The following RAD52 variants were observed in gnomAD, a reference collection of about 807,000 sequenced individuals.
RAD52 encodes the protein RAD52 DNA repair protein.
RAD52 carries 47 observed loss-of-function variants against 55.5 expected under a neutral mutation model. The observed-to-expected ratio is 0.85, with a 90% CI of 0.67 to 1.08. The LOEUF (loss-of-function observed/expected upper bound fraction) is 1.08, where lower values mean the gene tolerates loss of function less well. RAD52 is among the 50% of genes least tolerant of loss of function. The pLI is 0.00. For missense variants in RAD52, 468 were observed against 522.8 expected, an observed-to-expected ratio of 0.90 and a Z score of 1.02; for synonymous variants, 184 against 198.9, an observed-to-expected ratio of 0.92 and a Z score of 0.63.
intron 1 of RAD52, among the ~76,000 whole-genome samples, chr12:949,105 G>C (rs1958420869): frequency 6.6e-6 from 1 of 152,080 alleles, no homozygotes; most frequent in Non-Finnish European, 1.5e-5. Context: ...GCCCGGGACG[G>C]AGTGTCGTGG....
upstream of RAD52, chr12:990,649 C>T (rs915762116): frequency 6.6e-6 from 1 of 152,242 alleles, no homozygotes; most frequent in African/African-American, 2.4e-5. Context: ...CCACTAATTT[C>T]GCGGCCGCGT....
At chr12:972,130 T>C (rs1026522805) in intron 1 of RAD52, among the ~76,000 whole-genome samples, 1 of 152,158 alleles carries the variant, frequency 6.6e-6, no homozygotes, top group Non-Finnish European at 1.5e-5. Flanking sequence ...ATATTGCTTG[T>C]TTATGTATAC....
intron 7 of RAD52, among the ~76,000 whole-genome samples, chr12:917,407 C>T (rs1182942379): frequency 3.3e-5 from 5 of 152,286 alleles, no homozygotes; most frequent in African/African-American, 1.2e-4. Flanking sequence ...CATTTCCACA[C>T]GGATTCCTAC....
At chr12:947,015 T>A (rs974652044) in intron 1 of RAD52, among the ~76,000 whole-genome samples, 8 of 152,280 alleles carry the variant, frequency 5.3e-5, no homozygotes, top group African/African-American at 1.9e-4. Context: ...AGTGGTGAAC[T>A]GAGAATAGAA....
intron 1 of RAD52, among the ~76,000 whole-genome samples, chr12:944,061 CA>C (rs1958061733): frequency 6.6e-6 from 1 of 151,866 alleles, no homozygotes; most frequent in Admixed American, 6.6e-5. Context: ...ACAAAAAATA[CA>C]AAAATTAGCT....
At chr12:957,186 A>G (rs2154120430) in intron 1 of RAD52, among the ~76,000 whole-genome samples, 1 of 152,240 alleles carries the variant, frequency 6.6e-6, no homozygotes, top group African/African-American at 2.4e-5. Flanking sequence ...GGCTGGGTGC[A>G]GTGGCTCATG....
At chr12:985,766 C>T (rs1412272006) in intron 1 of RAD52, among the ~76,000 whole-genome samples, 2 of 152,030 alleles carry the variant, frequency 1.3e-5, no homozygotes. Context: ...CCTCAGCCTC[C>T]CGAGTAGTTG....
chr12:971,697 A>T (rs1276196494), intron 1 of RAD52, among the ~76,000 whole-genome samples: 2 of 152,200 alleles, frequency 1.3e-5, no homozygotes, highest in Admixed American at 6.5e-5. Context: ...CCTAACAAGA[A>T]CGTATAACTC....
intron 3 of RAD52, among the ~76,000 whole-genome samples, chr12:930,933 C>G (rs999120284): frequency 1.3e-5 from 2 of 150,606 alleles, no homozygotes; most frequent in South Asian, 4.2e-4. Context: ...CACCACTGGT[C>G]GGACTCCAGC....
chr12:926,709 T>C, intron 6 of RAD52: 1 of 1,324,042 alleles, frequency 7.6e-7, no homozygotes, highest in Non-Finnish European at 1.0e-6. Flanking sequence ...ATTTATAAAT[T>C]ACCCAGCCTC....
intron 1 of RAD52, among the ~76,000 whole-genome samples, chr12:941,060 G>A (rs1957893998): frequency 6.6e-6 from 1 of 152,086 alleles, no homozygotes; most frequent in African/African-American, 2.4e-5. Flanking sequence ...GATTTAAGAA[G>A]CTCTGCAAAT....
chr12:926,645 G>A, intron 6 of RAD52: 1 of 814,658 alleles, frequency 1.2e-6, no homozygotes. Context: ...AGTGGATGCT[G>A]GCACCAGGCT....
chr12:944,372 G>C (rs906025803), intron 1 of RAD52, among the ~76,000 whole-genome samples: 1 of 151,824 alleles, frequency 6.6e-6, no homozygotes, highest in Admixed American at 6.6e-5. Flanking sequence ...CGTTAGTCGG[G>C]CATGGTGGAG....
At chr12:972,549 G>A (rs908212921) in intron 1 of RAD52, among the ~76,000 whole-genome samples, 22 of 151,966 alleles carry the variant, frequency 1.4e-4, no homozygotes, top group Admixed American at 2.0e-4. Context: ...GGCGGATCAC[G>A]AGGTCAGGAG....
chr12:946,496 ATAT>A (rs1269745788), intron 1 of RAD52, among the ~76,000 whole-genome samples: 1 of 152,234 alleles, frequency 6.6e-6, no homozygotes, highest in Non-Finnish European at 1.5e-5. Flanking sequence ...TATTTAATAT[ATAT>A]TGTTGATGCA....
chr12:912,955 TTAAAGGCATGGACCG>T lies in RAD52; in HGVS notation c.*421_*435del, dbSNP rs1441910090. On this transcript the variant is annotated 3_prime_UTR_variant, in exon 12 of 12. Transcript: ENST00000358495. ...TCCACAGTGCTTAATGTGGGCAACA[TTAAAGGCATGGACCG>T]TAAAGGAAAGAAGGCAGACGTTATG... The T allele has an allele frequency of 4.9e-6, 1 of 204,616 alleles. No homozygotes were observed. The highest frequency in any genetic ancestry group is 2.3e-5 in the African/African-American group (1 of 43,436). 12.7% of individuals were successfully genotyped at this position (204,616 alleles called of 1,614,324 possible).
At chr12:981,609 T>C (rs968740732) in intron 1 of RAD52, among the ~76,000 whole-genome samples, 2 of 151,804 alleles carry the variant, frequency 1.3e-5, no homozygotes, top group Admixed American at 6.6e-5. Flanking sequence ...AGTAAGACTT[T>C]AGCCAGGCGT....
chr12:912,752 A>AAAAAAAAAG lies in RAD52; in HGVS notation c.*638_*639insCTTTTTTTT. The AAAAAAAAAG allele has an allele frequency of 5.8e-6, 1 of 171,390 alleles. No individual in the cohort carries two copies. Among genetic ancestry groups the AAAAAAAAAG allele is most frequent in the East Asian group, 1.0e-4 (1 of 9,724 alleles). 10.6% of individuals were successfully genotyped at this position (171,390 alleles called of 1,614,324 possible). A position where few individuals can be genotyped will look rare whatever the true frequency, so the allele number is the denominator to read the frequency against. The stretch of plus-strand genomic sequence containing the variant: ...AAAAAAAAAAAAAAAAAAACAAAAA[A>AAAAAAAAAG]CAGCCTTTTTTCGTGGTCTTAGATG... On this transcript the variant is annotated 3_prime_UTR_variant, in exon 12 of 12. Coordinates refer to ENST00000358495, the MANE Select transcript of RAD52 (RefSeq NM_134424.4).
chr12:979,343 A>G (rs1163400866), intron 1 of RAD52, among the ~76,000 whole-genome samples: 1 of 152,134 alleles, frequency 6.6e-6, no homozygotes, highest in Non-Finnish European at 1.5e-5. Context: ...TGGGAGGCTG[A>G]GGCATAAGAA....
Sources: gnomAD v4.1 joint callset for allele counts (sites outside exome capture counted in the v4.1 genomes callset) on GRCh38, gnomAD v4.1.1 for gene constraint, MANE v1.5 for transcripts, NCBI Gene and HGNC (gene_info 2026-07-23, HGNC 2026-07-21) for gene names.